The following HECTD4 variants were observed in gnomAD, a reference collection of about 807,000 sequenced individuals.
The protein encoded by HECTD4 is HECT domain E3 ubiquitin protein ligase 4, also known as probable E3 ubiquitin-protein ligase HECTD4.
HECTD4 carries 114 observed loss-of-function variants against 471.5 expected under a neutral mutation model. The observed-to-expected ratio is 0.24, with a 90% CI of 0.21 to 0.28. The LOEUF (loss-of-function observed/expected upper bound fraction) is 0.28. HECTD4 is among the 10% of genes least tolerant of loss of function. The pLI, the probability that HECTD4 is intolerant of heterozygous loss-of-function variation, is 1.00. For synonymous variants in HECTD4, 2,012 were observed against 2,256.0 expected (o/e 0.89, Z 3.07); for missense variants, 3,866 against 5,651.5 (o/e 0.68, Z 10.13).
At chr12:112,376,067 C>G (rs1406555051) in intron 1 of HECTD4, among the ~76,000 whole-genome samples, 1 of 151,948 alleles carries the variant, frequency 6.6e-6, no homozygotes. Context: ...CAGAGCAGGA[C>G]TCCTGTCTAA....
intron 64 of HECTD4, among the ~76,000 whole-genome samples, chr12:112,177,197 T>A (rs1489340023): frequency 6.6e-6 from 1 of 152,204 alleles, no homozygotes; most frequent in Non-Finnish European, 1.5e-5. Flanking sequence ...CATTTCTACA[T>A]AATGAATTAA....
rs2032791673 is a variant in HECTD4 at position 112,212,474 on chromosome 12, C to A, written c.7629+13G>T. On this transcript the variant is annotated intron_variant, in intron 49 of 75. Coordinates refer to ENST00000682272, the MANE Select transcript of HECTD4 (RefSeq NM_001388303.1). ...AGGAGAATTTGTTTTCCTTTCCCAA[C>A]AAGGTAACCTGCCTTTTTCTGAATG... The A allele has an allele frequency of 1.2e-6, 2 of 1,600,712 alleles. No homozygotes were observed. Among genetic ancestry groups the A allele is most frequent in the Middle Eastern group, 1.7e-4 (1 of 6,010 alleles).
At chr12:112,205,440 T>G (rs1462684847) in intron 52 of HECTD4, among the ~76,000 whole-genome samples, 1 of 151,938 alleles carries the variant, frequency 6.6e-6, no homozygotes, top group Non-Finnish European at 1.5e-5. Context: ...TGTTGGTAGA[T>G]AGCAAAAAAG....
At position 112,175,729 on chromosome 12, in the gene HECTD4, C is replaced by G. The variant is rs1242892773; in HGVS notation, c.11594+7G>C. The G allele has an allele frequency of 2.9e-5, 46 of 1,611,088 alleles. No individual in the cohort carries two copies. Among genetic ancestry groups the G allele is most frequent in the Non-Finnish European group, 3.6e-5 (43 of 1,178,736 alleles). ...GTGCCAACTGAGTCGAGGGGTAACC[C>G]TCTTACCTCTCAAAGTGAAGATCGT... On this transcript the variant is annotated splice_region_variant and intron_variant, in intron 66 of 75. Transcript: ENST00000682272.
intron 72 of HECTD4, 73 bp downstream of exon 72, chr12:112,167,244 G>T (rs2031003709): frequency 7.4e-7 from 1 of 1,352,182 alleles, no homozygotes; most frequent in Non-Finnish European, 1.0e-6. Context: ...GCTCGGGTCT[G>T]CATGGAGGCC....
intron 68 of HECTD4, 93 bp from the exon 69 acceptor site, chr12:112,170,545 C>T: frequency 6.6e-7 from 1 of 1,505,702 alleles, no homozygotes. Flanking sequence ...GGGTGTGGCA[C>T]TCTCAGGCCC....
At chr12:112,332,856 C>T (rs1007756736) in intron 1 of HECTD4, among the ~76,000 whole-genome samples, 1 of 151,466 alleles carries the variant, frequency 6.6e-6, no homozygotes, top group African/African-American at 2.4e-5. Context: ...AGTCACTCTC[C>T]ATTTTCCCCA....
intron 1 of HECTD4, among the ~76,000 whole-genome samples, chr12:112,337,972 TG>T (rs574553928): frequency 6.6e-6 from 1 of 152,230 alleles, no homozygotes; most frequent in Non-Finnish European, 1.5e-5. Flanking sequence ...ATTAGTTTCC[TG>T]TGCCTACTGT....
intron 40 of HECTD4, 69 bp downstream of exon 40, chr12:112,230,618 C>T: frequency 1.3e-6 from 2 of 1,488,840 alleles, no homozygotes; most frequent in Non-Finnish European, 1.8e-6. Context: ...ATGCCCCTTG[C>T]TGGGTATGAT....
At chr12:112,327,339 G>A (rs1254015014) in intron 1 of HECTD4, among the ~76,000 whole-genome samples, 3 of 151,542 alleles carry the variant, frequency 2.0e-5, no homozygotes, top group Non-Finnish European at 4.4e-5. Flanking sequence ...AAAAGGAAGT[G>A]TTTAATTAAA....
At chr12:112,185,688 G>T (rs906928779) in intron 60 of HECTD4, among the ~76,000 whole-genome samples, 195 bp from the exon 61 acceptor site, 3 of 152,248 alleles carry the variant, frequency 2.0e-5, no homozygotes, top group Non-Finnish European at 2.9e-5. Flanking sequence ...TACCAGACAA[G>T]AGAGCTAAGA....
chr12:112,230,731 G>C lies in HECTD4; in HGVS notation c.6292C>G (p.Pro2098Ala). The C allele has an allele frequency of 6.2e-7, 1 of 1,611,128 alleles. No individual in the cohort carries two copies. The highest frequency in any genetic ancestry group is 8.5e-7 in the Non-Finnish European group (1 of 1,178,694). Residue 2098 changes from proline (P) to alanine (A), a missense_variant, in exon 40 of 76, where the codon CCT (proline) becomes GCT (alanine). Pro to Ala is a conservative substitution (Grantham distance 27). Around this residue, in one of 16 missense-constraint regions of HECTD4, gnomAD observed 617 missense variants for 915.1 expected, o/e 0.67. Transcript: ENST00000682272. Reference sequence around the variant, plus strand: ...CATATTTGAGCAGCATTTGATTCAGGTGCCATGAGCAAGCTATGTAGCAAG... The same window carrying C: ...CATATTTGAGCAGCATTTGATTCAGCTGCCATGAGCAAGCTATGTAGCAAG... Reference protein sequence around the residue: ...IALLHSLLMAPESNAAQIWTT... With the variant: ...IALLHSLLMAAESNAAQIWTT...
intron 59 of HECTD4, among the ~76,000 whole-genome samples, chr12:112,191,617 C>T (rs1173802321): frequency 6.6e-6 from 1 of 152,110 alleles, no homozygotes; most frequent in East Asian, 1.9e-4. Flanking sequence ...AGAAGCAAAC[C>T]ATATTGGCTT....
chr12:112,207,942 C>T lies in HECTD4; in HGVS notation c.8063G>A (p.Arg2688Gln). 1 of 1,613,862 alleles carries T rather than the reference C, an allele frequency of 6.2e-7. No individual in the cohort carries two copies. The highest frequency in any genetic ancestry group is 8.5e-7 in the Non-Finnish European group (1 of 1,179,834). ...CTCTGCTTCATTGCGGAAGCGTCTT[C>T]GGATGGTAGGAAAAACCTTGGTCTC... ...AWETKVFPTI[R>Q]RRFRNEAERK... Residue 2688 changes from arginine (R) to glutamine (Q), a missense_variant, in exon 52 of 76, where the codon CGA (arginine) becomes CAA (glutamine). Around this residue, in one of 16 missense-constraint regions of HECTD4, gnomAD observed 266 missense variants for 441.6 expected, o/e 0.60. Coordinates refer to ENST00000682272, the MANE Select transcript of HECTD4 (RefSeq NM_001388303.1).
chr12:112,354,264 T>C (rs1220587609), intron 1 of HECTD4, among the ~76,000 whole-genome samples: 1 of 152,010 alleles, frequency 6.6e-6, no homozygotes, highest in African/African-American at 2.4e-5. Context: ...TCTCGCCATG[T>C]TGCCAAGACT....
chr12:112,369,950 C>G (rs980297636), intron 1 of HECTD4, among the ~76,000 whole-genome samples: 3 of 152,110 alleles, frequency 2.0e-5, no homozygotes, highest in Admixed American at 6.6e-5. Context: ...AAAATGTCCA[C>G]CTACTAATCC....
intron 1 of HECTD4, among the ~76,000 whole-genome samples, chr12:112,327,418 AATC>A (rs2035768223): frequency 6.6e-6 from 1 of 152,034 alleles, no homozygotes; most frequent in African/African-American, 2.4e-5. Flanking sequence ...AATTAAATTA[AATC>A]ATTAAATAAA....
At position 112,382,359 on chromosome 12, in the gene HECTD4, C is replaced by CCGCCG; in HGVS notation, c.-232_-231insCGGCG. On this transcript the variant is annotated 5_prime_UTR_variant, in exon 1 of 76. Coordinates refer to ENST00000682272, the MANE Select transcript of HECTD4 (RefSeq NM_001388303.1). ...GCCGCCGCCGCCGCCGCCGCCGCCG[C>CCGCCG]CCTCAGGAGCAGGATCCGCCTCTGC... 1 of 388,030 alleles carries CCGCCG rather than the reference C, an allele frequency of 2.6e-6. No homozygotes were observed. The highest frequency in any genetic ancestry group is 4.4e-6 in the Non-Finnish European group (1 of 225,320). 24.0% of individuals were successfully genotyped at this position (388,030 alleles called of 1,614,324 possible). A position where few individuals can be genotyped will look rare whatever the true frequency, so the allele number is the denominator to read the frequency against.
intron 8 of HECTD4, among the ~76,000 whole-genome samples, chr12:112,280,054 GT>G (rs148446988): frequency 1.3e-5 from 2 of 150,582 alleles, no homozygotes; most frequent in African/African-American, 4.9e-5. Flanking sequence ...CAAGATCTTG[GT>G]TTTTTTTTCC....
Sources: gnomAD v4.1 joint callset for allele counts (sites outside exome capture counted in the v4.1 genomes callset) on GRCh38, gnomAD v4.1.1 for gene constraint, gnomAD v4.1.1 regional missense constraint, MANE v1.5 for transcripts, NCBI Gene and HGNC (gene_info 2026-07-23, HGNC 2026-07-21) for gene names.